SLC35F1: variants seen among roughly 807,000 people sequenced by gnomAD.
SLC35F1 encodes the protein chromosome 6 open reading frame 169.
A neutral mutation model predicts 48.7 loss-of-function variants in SLC35F1; 14 were observed. The ratio of observed to expected loss-of-function variants is 0.29; its 90% CI spans 0.19 to 0.45. The LOEUF is 0.45. SLC35F1 is among the 20% of genes least tolerant of loss of function. The pLI is 1.00. For missense variants in SLC35F1, 404 were observed against 500.0 expected, an observed-to-expected ratio of 0.81 and a Z score of 1.83; for synonymous variants, 190 against 202.2, an observed-to-expected ratio of 0.94 and a Z score of 0.51.
chr6:118,121,220 G>A (rs1773549119), intron 1 of SLC35F1, among the ~76,000 whole-genome samples: 1 of 152,104 alleles, frequency 6.6e-6, no homozygotes, highest in Non-Finnish European at 1.5e-5. Context: ...TTTATTACAT[G>A]CTTAGAGAAG....
intron 1 of SLC35F1, among the ~76,000 whole-genome samples, chr6:118,072,423 G>A (rs989231923): frequency 6.6e-6 from 1 of 152,098 alleles, no homozygotes; most frequent in African/African-American, 2.4e-5. Flanking sequence ...AATTAGCCAG[G>A]CGTGGTGGCA....
chr6:117,970,218 A>G (rs1320905382), intron 1 of SLC35F1, among the ~76,000 whole-genome samples: 3 of 152,206 alleles, frequency 2.0e-5, no homozygotes, highest in Non-Finnish European at 1.5e-5. Flanking sequence ...CTGTGTTCAC[A>G]GAGTTCACCT....
intron 2 of SLC35F1, among the ~76,000 whole-genome samples, chr6:118,182,519 AGAAGGAAGGAAGGAAGGAAGGAAG>A (rs10529265): frequency 1.9e-5 from 2 of 106,310 alleles, no homozygotes; most frequent in African/African-American, 3.2e-5. Flanking sequence ...AGAGAGAGAG[AGAAGGAAGGAAGGAAGGAAGGAAG>A]GAAGGAAGGA....
chr6:118,033,981 G>C (rs1000899754), intron 1 of SLC35F1, among the ~76,000 whole-genome samples: 28 of 152,180 alleles, frequency 1.8e-4, no homozygotes, highest in African/African-American at 6.0e-4. Flanking sequence ...TAGTTAACAG[G>C]AGGCAGCAGC....
At position 118,222,366 on chromosome 6, in the gene SLC35F1, A is replaced by T. The variant is rs577369895; in HGVS notation, c.350-13143A>T. Among the ~76,000 whole-genome samples the T allele has an allele frequency of 5.3e-5, 8 of 151,750 alleles. No homozygotes were observed. The East Asian group carries it at 1.4e-3, about 26-fold the overall frequency. On this transcript the variant is annotated intron_variant, in intron 2 of 7. Coordinates refer to ENST00000360388, the MANE Select transcript of SLC35F1 (RefSeq NM_001029858.4). ...TGACCTTTACATTTCCCATATTGGT[A>T]GTTGAGTACAAAGACTTGATCAAAT...
At chr6:118,268,584 G>GTGTATATA (rs1554242737) in intron 4 of SLC35F1, among the ~76,000 whole-genome samples, 4 of 67,270 alleles carry the variant, frequency 5.9e-5, no homozygotes, top group Admixed American at 1.8e-4. Context: ...TCATATATAT[G>GTGTATATA]TATATATATA....
In SLC35F1 at chr6:118,115,768, T is replaced by A. The variant is rs114897757; in HGVS notation, c.174-38677T>A. On this transcript the variant is annotated intron_variant, in intron 1 of 7. Coordinates refer to ENST00000360388, the MANE Select transcript of SLC35F1 (RefSeq NM_001029858.4). ...TCGTGCTGCCATCTGAGGCCTTATG[T>A]AAGAGTGAATACATGAGCAGAGCAT... 1.5e-3 allele frequency among the ~76,000 whole-genome samples: 234 copies of A among 152,292 alleles called. 1 individual carries two copies. The highest frequency in any genetic ancestry group is 5.3e-3 in the African/African-American group (220 of 41,564).
intron 1 of SLC35F1, among the ~76,000 whole-genome samples, chr6:118,102,603 G>T (rs6902646): frequency 6.6e-6 from 1 of 152,202 alleles, no homozygotes; most frequent in South Asian, 2.1e-4. Context: ...ACAGTTTCAC[G>T]TTGTGGCACA....
At chr6:118,291,612 T>TA (rs1415434499) in intron 7 of SLC35F1, among the ~76,000 whole-genome samples, 5 of 152,196 alleles carry the variant, frequency 3.3e-5, no homozygotes, top group African/African-American at 1.2e-4. Context: ...GGAACCAAGT[T>TA]AATGCCGCCG....
chr6:118,193,795 A>T (rs181380851), intron 2 of SLC35F1, among the ~76,000 whole-genome samples: 1 of 152,326 alleles, frequency 6.6e-6, no homozygotes, highest in East Asian at 1.9e-4. Context: ...ACACATGCCC[A>T]GGCCTTACCA....
At chr6:118,000,479 C>T (rs1361513676) in intron 1 of SLC35F1, among the ~76,000 whole-genome samples, 1 of 152,102 alleles carries the variant, frequency 6.6e-6, no homozygotes, top group Non-Finnish European at 1.5e-5. Context: ...ATGACAAACC[C>T]ACGGCCAATA....
chr6:117,930,746 C>T (rs937867202), intron 1 of SLC35F1, among the ~76,000 whole-genome samples: 38 of 152,130 alleles, frequency 2.5e-4, no homozygotes, highest in African/African-American at 8.7e-4. Flanking sequence ...AGGGCCCAAA[C>T]TTATTTCTCT....
intron 1 of SLC35F1, among the ~76,000 whole-genome samples, chr6:118,132,862 G>T (rs1379720312): frequency 6.6e-6 from 1 of 152,150 alleles, no homozygotes; most frequent in Non-Finnish European, 1.5e-5. Context: ...TGCAGAAGGG[G>T]CGGGGTATAT....
intron 1 of SLC35F1, among the ~76,000 whole-genome samples, chr6:118,044,437 A>G (rs1189909290): frequency 6.6e-6 from 1 of 152,064 alleles, no homozygotes; most frequent in African/African-American, 2.4e-5. Context: ...TCTGCATGAA[A>G]TCATTCTCCA....
chr6:118,294,412 G>A (rs755409603), intron 7 of SLC35F1, among the ~76,000 whole-genome samples: 6 of 152,172 alleles, frequency 3.9e-5, no homozygotes, highest in East Asian at 1.9e-4. Flanking sequence ...ATGCCATCGC[G>A]TGCTGAACAT....
intron 1 of SLC35F1, among the ~76,000 whole-genome samples, chr6:118,007,442 C>A (rs1777187934): frequency 6.6e-6 from 1 of 152,158 alleles, no homozygotes; most frequent in South Asian, 2.1e-4. Flanking sequence ...TGTGGTCTTC[C>A]ACCAAGCTGT....
intron 1 of SLC35F1, chr6:117,999,416 G>A: frequency 3.8e-6 from 6 of 1,585,278 alleles, no homozygotes; most frequent in Non-Finnish European, 5.1e-6. Context: ...GGCTCCCAAA[G>A]GTACCCAGGC....
intron 6 of SLC35F1, among the ~76,000 whole-genome samples, chr6:118,280,858 A>G (rs924137094): frequency 6.7e-6 from 1 of 148,940 alleles, no homozygotes; most frequent in Non-Finnish European, 1.5e-5. Context: ...AAACAGAGCA[A>G]GAGTCTGTCC....
chr6:118,128,841 G>A (rs1054931582), intron 1 of SLC35F1, among the ~76,000 whole-genome samples: 1 of 151,742 alleles, frequency 6.6e-6, no homozygotes, highest in Non-Finnish European at 1.5e-5. Flanking sequence ...ATAAATAAAA[G>A]AAAAGAAAAT....
Sources: allele counts gnomAD v4.1 joint callset (sites outside exome capture counted in the v4.1 genomes callset), GRCh38; gene constraint gnomAD v4.1.1; transcripts MANE v1.5; gene names NCBI Gene and HGNC (gene_info 2026-07-23, HGNC 2026-07-21).